UPF3B: variants seen among roughly 807,000 people sequenced by gnomAD.
The protein encoded by UPF3B is UPF3B regulator of nonsense mediated mRNA decay, also known as regulator of nonsense transcripts 3B.
In UPF3B, 7 loss-of-function variants were observed where a neutral mutation model predicts 40.3. The observed-to-expected ratio is 0.17, with a 90% CI of 0.10 to 0.33. The LOEUF is 0.33. Ranked by LOEUF, UPF3B falls within the 10% of genes least tolerant of loss-of-function variation. The pLI, the probability that UPF3B is intolerant of heterozygous loss-of-function variation, is 1.00. For synonymous variants in UPF3B, 117 were observed against 117.3 expected, an observed-to-expected ratio of 1.00 and a Z score of 0.01; for missense variants, 229 against 358.9, an observed-to-expected ratio of 0.64 and a Z score of 2.93.
intron 5 of UPF3B, among the ~76,000 whole-genome samples, chrX:119,807,954 G>A (rs1333681537): frequency 9.0e-6 from 1 of 111,317 alleles, no homozygotes; most frequent in Non-Finnish European, 1.9e-5. Context: ...CAACCACACT[G>A]GGCTAAGTTT....
At chrX:119,808,418 C>T (rs2055808358) in intron 5 of UPF3B, among the ~76,000 whole-genome samples, 1 of 97,295 alleles carries the variant, frequency 1.0e-5, no homozygotes, top group South Asian at 5.4e-4. Flanking sequence ...AGCTTAGGGG[C>T]AAGAGGCTCC....
intron 7 of UPF3B, among the ~76,000 whole-genome samples, 167 bp from the exon 8 acceptor site, chrX:119,840,851 C>T (rs1209027763): frequency 9.0e-6 from 1 of 111,694 alleles, no homozygotes; most frequent in Non-Finnish European, 1.9e-5. Flanking sequence ...AAAAACAGCA[C>T]AGATCTGCAC....
chrX:119,810,684 G>A (rs774070948), intron 5 of UPF3B, among the ~76,000 whole-genome samples: 12 of 111,585 alleles, frequency 1.1e-4, no homozygotes, highest in Non-Finnish European at 1.7e-4. Context: ...TTCTGCTCAC[G>A]CCTCTCATCA....
At chrX:119,822,191 T>C (rs766877085) in intron 4 of UPF3B, among the ~76,000 whole-genome samples, 49 of 112,957 alleles carry the variant, frequency 4.3e-4, no homozygotes, top group African/African-American at 1.5e-3. Flanking sequence ...ATTTAAATGT[T>C]TGCATCAATG....
At chrX:119,836,808 G>A (rs1376523565) in intron 10 of UPF3B, among the ~76,000 whole-genome samples, 3 of 103,657 alleles carry the variant, frequency 2.9e-5, no homozygotes, top group Middle Eastern at 5.9e-3. Context: ...CCGCCACCAC[G>A]CCTGGCTAAT....
chrX:119,806,712 TATC>T (rs1263038233), intron 6 of UPF3B, among the ~76,000 whole-genome samples: 1 of 110,760 alleles, frequency 9.0e-6, no homozygotes, highest in Admixed American at 9.8e-5. Flanking sequence ...AGTCAACAGT[TATC>T]ATCAACAATG....
chrX:119,852,577 A>AC (rs1428654293), intron 1 of UPF3B, among the ~76,000 whole-genome samples, 196 bp downstream of exon 1: 22 of 110,120 alleles, frequency 2.0e-4, no homozygotes, highest in African/African-American at 3.3e-4. Context: ...TCTTTTCCTC[A>AC]CCCCCACCCA....
downstream of UPF3B, chrX:119,834,006 A>G: frequency 1.3e-6 from 1 of 752,331 alleles, no homozygotes; most frequent in Non-Finnish European, 1.6e-6. Context: ...TAGTAAAGTT[A>G]ATAAACACAC....
At chrX:119,820,304 C>G (rs189476127) in intron 4 of UPF3B, among the ~76,000 whole-genome samples, 1 of 103,176 alleles carries the variant, frequency 9.7e-6, no homozygotes, top group Non-Finnish European at 2.0e-5. Flanking sequence ...CCACCAAGCC[C>G]GGCCAAATTT....
chrX:119,819,571 T>C (rs2055893707), intron 4 of UPF3B, among the ~76,000 whole-genome samples: 1 of 111,514 alleles, frequency 9.0e-6, no homozygotes, highest in Non-Finnish European at 1.9e-5. Context: ...TTCCTAATTT[T>C]AAAAAGTCTG....
intron 5 of UPF3B, among the ~76,000 whole-genome samples, chrX:119,810,072 T>A (rs889281596): frequency 8.9e-6 from 1 of 111,786 alleles, no homozygotes; most frequent in East Asian, 2.8e-4. Context: ...AGAAAAAAAA[T>A]TTATCTTCTT....
chrX:119,819,842 C>CTTTTTTTTTTTTTT, intron 4 of UPF3B, among the ~76,000 whole-genome samples: 1 of 68,642 alleles, frequency 1.5e-5, no homozygotes, highest in Non-Finnish European at 2.8e-5. Context: ...TCTATTTTTC[C>CTTTTTTTTTTTTTT]TTTTTTTTTT....
intron 10 of UPF3B, 140 bp downstream of exon 10, chrX:119,837,617 A>AC: frequency 1.5e-5 from 3 of 203,438 alleles, no homozygotes; most frequent in Non-Finnish European, 2.2e-5. Flanking sequence ...CTCTGTCTCA[A>AC]AAAAAAAAAA....
At position 119,851,849 on chromosome X, in the gene UPF3B, T is replaced by C. The variant is rs1340487954; in HGVS notation, c.181A>G (p.Thr61Ala). The change falls in exon 2 of 11, where the codon ACT (threonine) becomes GCT (alanine). Residue 61 changes from threonine (T) to alanine (A), a missense_variant. Transcript: ENST00000276201. Reference protein sequence around the residue: ...SKVVIRRLPPTLTKEQLQEHL... With the variant: ...SKVVIRRLPPALTKEQLQEHL... ...TCCTGAAGCTGCTCCTTGGTCAAAG[T>C]GGGAGGTAATCTTCGAATTACCACC... 8.4e-7 allele frequency: 1 copy of C among 1,195,543 alleles called. No individual in the cohort carries two copies. Among genetic ancestry groups the C allele is most frequent in the Admixed American group, 2.2e-5 (1 of 44,952 alleles).
At chrX:119,845,976 A>G (rs1407417410) in intron 3 of UPF3B, among the ~76,000 whole-genome samples, 1 of 111,058 alleles carries the variant, frequency 9.0e-6, no homozygotes, top group Non-Finnish European at 1.9e-5. Context: ...TTCATAATGT[A>G]TATATGTATA....
intron 8 of UPF3B, among the ~76,000 whole-genome samples, chrX:119,839,426 A>G (rs1272527426): frequency 1.8e-5 from 2 of 112,632 alleles, no homozygotes; most frequent in African/African-American, 6.4e-5. Context: ...TTCCATCTCT[A>G]CTGAGTAGGA....
At chrX:119,843,322 A>G in intron 4 of UPF3B, 21 bp from the exon 5 acceptor site, 1 of 1,000,771 alleles carries the variant, frequency 1.0e-6, no homozygotes, top group Non-Finnish European at 1.4e-6. Flanking sequence ...ATTTGAGGAA[A>G]CAGAAAATAT....
At chrX:119,815,288 C>T (rs2055855659) in exon 5 of UPF3B, 5 of 781,944 alleles carry the variant, frequency 6.4e-6, no homozygotes, top group Admixed American at 6.2e-5. Flanking sequence ...TGGATGGTAA[C>T]GCTGCATCCC....
At chrX:119,841,822 T>C (rs1445310380) in intron 5 of UPF3B, 44 bp from the exon 6 acceptor site, 3 of 1,101,357 alleles carry the variant, frequency 2.7e-6, no homozygotes, top group Non-Finnish European at 3.8e-6. Flanking sequence ...TATCAACCCC[T>C]AGAAACGATT....
Sources: allele counts gnomAD v4.1 joint callset (sites outside exome capture counted in the v4.1 genomes callset), GRCh38; gene constraint gnomAD v4.1.1; transcripts MANE v1.5; gene names NCBI Gene and HGNC (gene_info 2026-07-23, HGNC 2026-07-21).